BBS9: variants seen among roughly 807,000 people sequenced by gnomAD.
BBS9 encodes the protein Bardet-Biedl syndrome 9, also known as protein PTHB1.
Under a neutral mutation model 117.7 loss-of-function variants are expected in BBS9, and 89 were observed. That is an observed-to-expected ratio of 0.76 (90% CI 0.64 to 0.90). BBS9 has a LOEUF of 0.90. BBS9 is among the 40% of genes least tolerant of loss of function. The probability of loss-of-function intolerance (pLI) is 0.00; values close to 1 mark genes in which losing one functional copy is unlikely to be tolerated. For synonymous variants in BBS9, 379 were observed against 370.9 expected, an observed-to-expected ratio of 1.02 and a Z score of -0.25; for missense variants, 982 against 1,042.2, an observed-to-expected ratio of 0.94 and a Z score of 0.80.
chr7:33,215,751 C>A (rs1788932273), intron 5 of BBS9, among the ~76,000 whole-genome samples: 1 of 152,178 alleles, frequency 6.6e-6, no homozygotes, highest in African/African-American at 2.4e-5. Context: ...AAGCCAAGCA[C>A]TGAAGGACAA....
At chr7:33,255,504 G>A (rs905791490) in intron 5 of BBS9, among the ~76,000 whole-genome samples, 1 of 152,082 alleles carries the variant, frequency 6.6e-6, no homozygotes, top group Non-Finnish European at 1.5e-5. Context: ...CAAATGAGAA[G>A]GCTGAAGCTA....
At chr7:33,601,896 A>C (rs1018817207) in intron 21 of BBS9, among the ~76,000 whole-genome samples, 1 of 152,160 alleles carries the variant, frequency 6.6e-6, no homozygotes, top group Non-Finnish European at 1.5e-5. Flanking sequence ...AGGGGCTATT[A>C]CCATCCCGTT....
intron 1 of BBS9, among the ~76,000 whole-genome samples, chr7:33,136,457 G>A (rs879593417): frequency 6.6e-6 from 1 of 152,104 alleles, no homozygotes; most frequent in Admixed American, 6.6e-5. Context: ...GAAAGTGTTC[G>A]GTTTACACTA....
intron 20 of BBS9, among the ~76,000 whole-genome samples, chr7:33,526,380 A>G (rs368113890): frequency 4.4e-4 from 67 of 152,318 alleles, no homozygotes; most frequent in Admixed American, 2.0e-3. Context: ...TCACTTTCAG[A>G]TACACCAATC....
At chr7:33,614,255 A>T (rs1865024612) in intron 21 of BBS9, among the ~76,000 whole-genome samples, 1 of 152,126 alleles carries the variant, frequency 6.6e-6, no homozygotes, top group Admixed American at 6.6e-5. Flanking sequence ...TATAACAATT[A>T]AAAATATCAG....
At chr7:33,598,598 T>C (rs1368993797) in intron 21 of BBS9, among the ~76,000 whole-genome samples, 2 of 152,172 alleles carry the variant, frequency 1.3e-5, no homozygotes, top group South Asian at 4.1e-4. Flanking sequence ...GCAGAGGATA[T>C]ATAGGAATTC....
intron 4 of BBS9, among the ~76,000 whole-genome samples, chr7:33,161,694 A>AC (rs1260729088): frequency 6.6e-6 from 1 of 152,230 alleles, no homozygotes; most frequent in Non-Finnish European, 1.5e-5. Flanking sequence ...AGGAATTGCC[A>AC]CACTGCCTTC....
chr7:33,521,330 G>C (rs986437119), intron 20 of BBS9, among the ~76,000 whole-genome samples: 1 of 152,202 alleles, frequency 6.6e-6, no homozygotes, highest in African/African-American at 2.4e-5. Flanking sequence ...AGGTCTCTTA[G>C]CTTGTATTTG....
intron 9 of BBS9, among the ~76,000 whole-genome samples, chr7:33,320,754 T>C (rs1811539398): frequency 6.6e-6 from 1 of 152,166 alleles, no homozygotes; most frequent in South Asian, 2.1e-4. Context: ...CAGCATTTGT[T>C]ATTGCGTGAC....
chr7:33,479,010 C>G (rs1010766865), intron 19 of BBS9, among the ~76,000 whole-genome samples: 2 of 151,984 alleles, frequency 1.3e-5, no homozygotes, highest in East Asian at 3.9e-4. Context: ...AATTAGCAAG[C>G]AAGCTAGGCT....
intron 19 of BBS9, among the ~76,000 whole-genome samples, chr7:33,433,015 C>T (rs1834759806): frequency 6.6e-6 from 1 of 152,036 alleles, no homozygotes; most frequent in Non-Finnish European, 1.5e-5. Context: ...AGGCATGGTC[C>T]ATCAATCACC....
At chr7:33,548,491 T>TC (rs1233436710) in intron 21 of BBS9, among the ~76,000 whole-genome samples, 1 of 88,710 alleles carries the variant, frequency 1.1e-5, no homozygotes, top group Non-Finnish European at 2.2e-5. Context: ...ATGCTATCCC[T>TC]CCCCCCTCCC....
chr7:33,272,513 A>T (rs1799965544), intron 7 of BBS9, among the ~76,000 whole-genome samples: 1 of 152,154 alleles, frequency 6.6e-6, no homozygotes, highest in African/African-American at 2.4e-5. Context: ...TTTAAGAAGC[A>T]TTTATTGAAC....
intron 21 of BBS9, among the ~76,000 whole-genome samples, chr7:33,574,786 TAG>T (rs1228897308): frequency 4.0e-5 from 6 of 150,472 alleles, no homozygotes; most frequent in African/African-American, 1.2e-4. Context: ...GTAAACTATA[TAG>T]AGAGAGTTTG....
intron 21 of BBS9, among the ~76,000 whole-genome samples, chr7:33,598,843 T>C (rs373921909): frequency 7.2e-5 from 11 of 152,316 alleles, no homozygotes; most frequent in African/African-American, 2.4e-4. Context: ...ATTACAATAC[T>C]GTATGCAGAG....
At chr7:33,238,921 G>C (rs1050155035) in intron 5 of BBS9, among the ~76,000 whole-genome samples, 2 of 151,972 alleles carry the variant, frequency 1.3e-5, no homozygotes, top group Admixed American at 1.3e-4. Context: ...CTAATATTTT[G>C]CTTAAAAAAT....
chr7:33,476,792 T>G (rs1292646119), intron 19 of BBS9, among the ~76,000 whole-genome samples: 1 of 152,230 alleles, frequency 6.6e-6, no homozygotes, highest in Non-Finnish European at 1.5e-5. Context: ...CATATAAACC[T>G]AAAAGATTTC....
intron 21 of BBS9, among the ~76,000 whole-genome samples, chr7:33,546,933 T>C (rs1449227727): frequency 3.9e-5 from 6 of 152,222 alleles, no homozygotes; most frequent in African/African-American, 9.7e-5. Flanking sequence ...GATTGTATTC[T>C]ATTCTTCTTT....
At chr7:33,488,142 T>G (rs1181586157) in intron 19 of BBS9, among the ~76,000 whole-genome samples, 2 of 152,174 alleles carry the variant, frequency 1.3e-5, no homozygotes, top group Admixed American at 1.3e-4. Flanking sequence ...TGCTTCCTCA[T>G]ATTAATTTTT....
Sources: gnomAD v4.1 joint callset for allele counts (sites outside exome capture counted in the v4.1 genomes callset) on GRCh38, gnomAD v4.1.1 for gene constraint, MANE v1.5 for transcripts, NCBI Gene and HGNC (gene_info 2026-07-23, HGNC 2026-07-21) for gene names.